The following HCRTR2 variants were observed in gnomAD, a reference collection of about 807,000 sequenced individuals.
HCRTR2 encodes the protein hypocretin receptor 2.
In HCRTR2, 22 loss-of-function variants were observed where a neutral mutation model predicts 49.0. The observed-to-expected ratio is 0.45, with a 90% CI of 0.32 to 0.64. HCRTR2 has a LOEUF of 0.64. Among genes scored for constraint, HCRTR2 ranks in the 30% least tolerant of loss-of-function variants. The pLI, the probability that HCRTR2 is intolerant of heterozygous loss-of-function variation, is 0.04. For synonymous variants in HCRTR2, 236 were observed against 205.3 expected (o/e 1.15, Z -1.28); for missense variants, 491 against 559.4 (o/e 0.88, Z 1.23).
At chr6:55,282,748 T>C, downstream of HCRTR2, 1 of 351,472 alleles carries the variant, frequency 2.8e-6, no homozygotes, top group East Asian at 6.1e-5. Flanking sequence ...TAATTCTTTT[T>C]ATAATCCCTT....
In HCRTR2 at chr6:55,263,828, T is replaced by C; in HGVS notation, c.762+6T>C. Reference sequence around the variant, plus strand: ...GCAAACTCTGGTGTCGACAGGTATATAGTTTCAAATATTTTGCGTGCATTA... The same window carrying C: ...GCAAACTCTGGTGTCGACAGGTATACAGTTTCAAATATTTTGCGTGCATTA... On this transcript the variant is annotated splice_donor_region_variant and intron_variant, in intron 4 of 6. Transcript: ENST00000370862. The C allele has an allele frequency of 6.6e-7, 1 of 1,513,944 alleles. No individual in the cohort carries two copies. 93.8% of individuals were successfully genotyped at this position (1,513,944 alleles called of 1,614,324 possible). A position where few individuals can be genotyped will look rare whatever the true frequency, so the allele number is the denominator to read the frequency against.
intron 1 of HCRTR2, among the ~76,000 whole-genome samples, chr6:55,235,609 C>A (rs1171172991): frequency 1.3e-5 from 2 of 151,902 alleles, no homozygotes; most frequent in Non-Finnish European, 2.9e-5. Context: ...ATTTTTTTAA[C>A]TGTCAAATTT....
At chr6:55,198,057 C>T (rs1319392677) in intron 1 of HCRTR2, among the ~76,000 whole-genome samples, 1 of 152,164 alleles carries the variant, frequency 6.6e-6, no homozygotes, top group Non-Finnish European at 1.5e-5. Context: ...TTCCACCCAA[C>T]CCCAAAAGTA....
intron 1 of HCRTR2, among the ~76,000 whole-genome samples, chr6:55,123,213 A>G (rs1764226542): frequency 6.6e-6 from 1 of 152,076 alleles, no homozygotes; most frequent in Non-Finnish European, 1.5e-5. Flanking sequence ...GCTGGTTTTC[A>G]AAGGGAATGC....
intron 4 of HCRTR2, among the ~76,000 whole-genome samples, chr6:55,274,435 T>C (rs374187314): frequency 4.0e-5 from 6 of 151,246 alleles, no homozygotes; most frequent in South Asian, 2.1e-4. Context: ...AGAAGTATAA[T>C]TGATTTTTTT....
intron 4 of HCRTR2, among the ~76,000 whole-genome samples, chr6:55,272,273 C>T (rs998729113): frequency 6.6e-6 from 1 of 152,070 alleles, no homozygotes; most frequent in Admixed American, 6.6e-5. Context: ...CCACATATTA[C>T]ATAATTCTAT....
At chr6:55,141,148 C>T (rs764461329) in intron 1 of HCRTR2, among the ~76,000 whole-genome samples, 41 of 146,582 alleles carry the variant, frequency 2.8e-4, no homozygotes, top group Non-Finnish European at 4.3e-4. Flanking sequence ...TCCTGGCTAA[C>T]ACGGTGAAAT....
intron 1 of HCRTR2, among the ~76,000 whole-genome samples, chr6:55,155,538 A>G (rs1764719164): frequency 6.6e-6 from 1 of 151,988 alleles, no homozygotes; most frequent in Non-Finnish European, 1.5e-5. Flanking sequence ...TTCAGGCAAG[A>G]TATTCAACCA....
At chr6:55,189,805 T>C (rs1765286174) in intron 1 of HCRTR2, among the ~76,000 whole-genome samples, 1 of 152,164 alleles carries the variant, frequency 6.6e-6, no homozygotes, top group Non-Finnish European at 1.5e-5. Context: ...TAAAATTAAA[T>C]TATTAAAAAA....
intron 1 of HCRTR2, among the ~76,000 whole-genome samples, chr6:55,200,387 C>A (rs955269798): frequency 2.6e-5 from 4 of 151,856 alleles, no homozygotes; most frequent in African/African-American, 9.7e-5. Flanking sequence ...GCCTCAGCCT[C>A]CTGAGCAACT....
chr6:55,180,568 T>C (rs1765113966), intron 1 of HCRTR2, among the ~76,000 whole-genome samples: 1 of 138,252 alleles, frequency 7.2e-6, no homozygotes, highest in African/African-American at 2.4e-5. Context: ...CTTTTACCTG[T>C]TCAGGGGGTT....
chr6:55,211,971 G>C (rs990640104), intron 1 of HCRTR2, among the ~76,000 whole-genome samples: 2 of 152,116 alleles, frequency 1.3e-5, no homozygotes, highest in Non-Finnish European at 2.9e-5. Flanking sequence ...CCCCTGTTTA[G>C]CACAGGGCTT....
chr6:55,130,180 C>T (rs1391175704), intron 1 of HCRTR2, among the ~76,000 whole-genome samples: 1 of 151,862 alleles, frequency 6.6e-6, no homozygotes, highest in African/African-American at 2.4e-5. Context: ...TAATCTAAGG[C>T]CTTTCTCTAA....
At chr6:55,203,846 A>C (rs1765553317) in intron 1 of HCRTR2, among the ~76,000 whole-genome samples, 1 of 152,116 alleles carries the variant, frequency 6.6e-6, no homozygotes, top group Non-Finnish European at 1.5e-5. Flanking sequence ...TCTGGTAAGA[A>C]ATTGTAAGTC....
intron 1 of HCRTR2, among the ~76,000 whole-genome samples, chr6:55,108,763 T>G (rs1367837370): frequency 6.6e-6 from 1 of 152,042 alleles, no homozygotes; most frequent in Non-Finnish European, 1.5e-5. Flanking sequence ...AGAAAACATC[T>G]GGCTTTTTGT....
intron 1 of HCRTR2, among the ~76,000 whole-genome samples, chr6:55,240,383 AAG>A (rs1766304337): frequency 6.9e-6 from 1 of 145,974 alleles, no homozygotes; most frequent in South Asian, 2.2e-4. Flanking sequence ...AAAAAAAAAA[AAG>A]AGTTTTATTC....
chr6:55,108,386 C>G (rs751140213), intron 1 of HCRTR2, among the ~76,000 whole-genome samples: 1 of 152,046 alleles, frequency 6.6e-6, no homozygotes, highest in Non-Finnish European at 1.5e-5. Flanking sequence ...AAAGAAGCAG[C>G]TTGTTGCTGC....
rs1198424252 is a variant in HCRTR2 at position 55,174,632 on chromosome 6, G to A, written c.45G>A (p.Trp15Ter). The A allele has an allele frequency of 6.2e-7, 1 of 1,613,912 alleles. No individual in the cohort carries two copies. The highest frequency in any genetic ancestry group is 8.5e-7 in the Non-Finnish European group (1 of 1,180,012). Residue 15 changes from tryptophan to a stop codon, truncating the protein, a stop_gained, in exon 1 of 7, where the codon TGG (tryptophan) becomes TGA (stop). Coordinates refer to ENST00000370862, the MANE Select transcript of HCRTR2 (RefSeq NM_001384272.1). LOFTEE classifies it high-confidence loss of function. ...KLEDSPPCRN[W>*]SSASELNETQ... ...AGGACTCCCCCCCTTGTCGCAACTG[G>A]TCATCTGCTTCGGAGCTGAATGAAA... is the stretch of plus-strand genomic sequence containing the variant.
chr6:55,227,740 G>A (rs1766037396), intron 1 of HCRTR2, among the ~76,000 whole-genome samples: 1 of 151,966 alleles, frequency 6.6e-6, no homozygotes, highest in African/African-American at 2.4e-5. Flanking sequence ...CTTGGCGGGG[G>A]GAAAGGGGAC....
Sources: gnomAD v4.1 joint callset for allele counts (sites outside exome capture counted in the v4.1 genomes callset) on GRCh38, gnomAD v4.1.1 for gene constraint, MANE v1.5 for transcripts, NCBI Gene and HGNC (gene_info 2026-07-23, HGNC 2026-07-21) for gene names.